IP6K1: variants seen among roughly 807,000 people sequenced by gnomAD.
The protein encoded by IP6K1 is inositol hexakisphosphate kinase 1.
IP6K1 carries 13 observed loss-of-function variants against 38.3 expected under a neutral mutation model. The observed-to-expected ratio is 0.34, with a 90% CI of 0.22 to 0.54. IP6K1 has a LOEUF of 0.54. IP6K1 is among the 20% of genes least tolerant of loss of function. The pLI is 0.92. For missense variants in IP6K1, 397 were observed against 599.8 expected (o/e 0.66, Z 3.53); for synonymous variants, 212 against 229.9 (o/e 0.92, Z 0.70).
intron 1 of IP6K1, among the ~76,000 whole-genome samples, chr3:49,782,593 C>T (rs1216300810): frequency 3.9e-5 from 6 of 152,054 alleles, no homozygotes; most frequent in Admixed American, 3.3e-4. Flanking sequence ...TTTGCACCCA[C>T]GAGTTTGAGA....
chr3:49,743,894 A>T (rs2080696943), intron 2 of IP6K1, among the ~76,000 whole-genome samples: 1 of 151,594 alleles, frequency 6.6e-6, no homozygotes, highest in African/African-American at 2.4e-5. Context: ...TGCTAGGATT[A>T]TAGGCATGAG....
intron 1 of IP6K1, among the ~76,000 whole-genome samples, chr3:49,752,030 A>G (rs2080781260): frequency 6.6e-6 from 1 of 151,972 alleles, no homozygotes; most frequent in Non-Finnish European, 1.5e-5. Context: ...TCCTTTTTAG[A>G]GTTGGGGGTC....
chr3:49,765,863 C>T (rs907583413), intron 1 of IP6K1, among the ~76,000 whole-genome samples: 2 of 151,058 alleles, frequency 1.3e-5, no homozygotes, highest in Admixed American at 6.6e-5. Context: ...GGCAACACAG[C>T]GAAACCCCAT....
chr3:49,774,150 AATCCCAGC>A (rs1306610613), intron 1 of IP6K1, among the ~76,000 whole-genome samples: 8 of 152,148 alleles, frequency 5.3e-5, no homozygotes, highest in African/African-American at 1.9e-4. Context: ...TCATGCCTGT[AATCCCAGC>A]ACTTTGGGAG....
intron 1 of IP6K1, among the ~76,000 whole-genome samples, chr3:49,759,260 A>C (rs2080849059): frequency 6.6e-6 from 1 of 152,184 alleles, no homozygotes; most frequent in Non-Finnish European, 1.5e-5. Context: ...TACTACTCTG[A>C]AGATTATCTG....
intron 4 of IP6K1, chr3:49,728,543 C>T (rs1423463849): frequency 4.3e-6 from 2 of 463,326 alleles, no homozygotes; most frequent in African/African-American, 1.9e-5. Context: ...ACCATCACAA[C>T]CATCTATCTC....
chr3:49,765,664 A>G (rs1458482878), intron 1 of IP6K1, among the ~76,000 whole-genome samples: 4 of 137,552 alleles, frequency 2.9e-5, no homozygotes, highest in Admixed American at 1.4e-4. Context: ...AAAAAAAAAA[A>G]GGGCCGCTGT....
intron 1 of IP6K1, chr3:49,775,640 C>T: frequency 1.4e-6 from 1 of 733,190 alleles, no homozygotes; most frequent in Non-Finnish European, 2.1e-6. Context: ...TTCCTCCCCA[C>T]AACATCAAGC....
chr3:49,768,346 T>C (rs1177932831), intron 1 of IP6K1, among the ~76,000 whole-genome samples: 1 of 152,232 alleles, frequency 6.6e-6, no homozygotes, highest in Non-Finnish European at 1.5e-5. Context: ...AGTGAAATAT[T>C]ATTCAGCCTT....
chr3:49,729,092 A>G (rs2080540695), intron 4 of IP6K1, among the ~76,000 whole-genome samples: 1 of 151,920 alleles, frequency 6.6e-6, no homozygotes, highest in South Asian at 2.1e-4. Context: ...ATAGCACTGA[A>G]CAGTGACTCC....
At chr3:49,758,311 T>C in intron 1 of IP6K1, among the ~76,000 whole-genome samples, 1 of 68,564 alleles carries the variant, frequency 1.5e-5, no homozygotes, top group Non-Finnish European at 2.5e-5. Context: ...CAAGACTCCA[T>C]CTCAAAAAAA....
intron 1 of IP6K1, among the ~76,000 whole-genome samples, chr3:49,774,472 A>C (rs1022224692): frequency 2.0e-5 from 3 of 151,160 alleles, no homozygotes; most frequent in Admixed American, 1.3e-4. Context: ...ATACATATTG[A>C]GTATCTACAG....
At chr3:49,774,977 C>A (rs2080994188) in intron 1 of IP6K1, among the ~76,000 whole-genome samples, 1 of 151,898 alleles carries the variant, frequency 6.6e-6, no homozygotes, top group African/African-American at 2.4e-5. Context: ...TACATACATA[C>A]AATATAAAAC....
Position 49,766,958 on chromosome 3 carries a change from CAAAAAAAAAAAAAAAA to C in IP6K1, c.-128-18806_-128-18791del, listed in dbSNP as rs144308874. Among the ~76,000 whole-genome samples, 31 of 55,422 alleles carry C rather than the reference CAAAAAAAAAAAAAAAA, an allele frequency of 5.6e-4. 1 individual carries two copies. The highest frequency in any genetic ancestry group is 1.3e-3 in the Admixed American group (4 of 3,124). The allele number at this position is 55,422 out of a possible 152,430, so 36.4% of individuals were successfully genotyped here. A position where few individuals can be genotyped will look rare whatever the true frequency, so the allele number is the denominator to read the frequency against. On this transcript the variant is annotated intron_variant, in intron 1 of 5. Transcript: ENST00000321599. The stretch of plus-strand genomic sequence containing the variant: ...GGGTGACAAGAGCAAGACTCCGTCT[CAAAAAAAAAAAAAAAA>C]AAAAAAAAAAAAAGAAAGAAATCCA...
At chr3:49,750,858 TG>T (rs1165412230) in intron 1 of IP6K1, among the ~76,000 whole-genome samples, 1 of 152,180 alleles carries the variant, frequency 6.6e-6, no homozygotes, top group Non-Finnish European at 1.5e-5. Flanking sequence ...GTCATGGCAT[TG>T]TTTTTGTGTT....
At chr3:49,747,124 ACT>A (rs1238172106) in intron 2 of IP6K1, among the ~76,000 whole-genome samples, 2 of 152,042 alleles carry the variant, frequency 1.3e-5, no homozygotes, top group Non-Finnish European at 2.9e-5. Context: ...CTAAATTGAA[ACT>A]CTCCTAAGTA....
intron 1 of IP6K1, among the ~76,000 whole-genome samples, chr3:49,780,770 A>C (rs115017619): frequency 6.6e-6 from 1 of 152,302 alleles, no homozygotes; most frequent in Admixed American, 6.5e-5. Context: ...GTTCTGCAGC[A>C]CTAAGGGATG....
intron 1 of IP6K1, among the ~76,000 whole-genome samples, chr3:49,756,792 G>A (rs1252446584): frequency 1.0e-4 from 14 of 137,592 alleles, no homozygotes; most frequent in African/African-American, 4.0e-4. Context: ...TCCAGCGCCT[G>A]GGCAACAAGG....
At chr3:49,752,690 A>G (rs2080788851) in intron 1 of IP6K1, among the ~76,000 whole-genome samples, 1 of 151,256 alleles carries the variant, frequency 6.6e-6, no homozygotes, top group Admixed American at 6.6e-5. Flanking sequence ...TCCCGACCTC[A>G]GGTGATCTGC....
Sources: allele counts gnomAD v4.1 joint callset (sites outside exome capture counted in the v4.1 genomes callset), GRCh38; gene constraint gnomAD v4.1.1; transcripts MANE v1.5; gene names NCBI Gene and HGNC (gene_info 2026-07-23, HGNC 2026-07-21).